Variants in MKRN2 observed in about 807,000 individuals in gnomAD.
MKRN2 encodes makorin ring finger protein 2.
MKRN2 carries 32 observed loss-of-function variants against 45.4 expected under a neutral mutation model. The ratio of observed to expected loss-of-function variants is 0.70; its 90% confidence interval spans 0.53 to 0.95. MKRN2 has a LOEUF of 0.95. Among genes scored for constraint, MKRN2 ranks in the 40% least tolerant of loss-of-function variants. The probability of loss-of-function intolerance (pLI) is 0.00; values close to 1 mark genes in which losing one functional copy is unlikely to be tolerated. For missense variants in MKRN2, 526 were observed against 536.7 expected (o/e 0.98, Z 0.20); for synonymous variants, 206 against 192.4 (o/e 1.07, Z -0.59).
intron 6 of MKRN2, chr3:12,576,944 T>TTTTTTTTTTTTTG (rs2058143515): frequency 3.8e-6 from 1 of 265,600 alleles, no homozygotes; most frequent in Non-Finnish European, 6.9e-6. Flanking sequence ...TTTTTTTTTT[T>TTTTTTTTTTTTTG]TTTTTTTTTT....
At position 12,576,676 on chromosome 3, in the gene MKRN2, T is replaced by G; in HGVS notation, c.903T>G (p.Ser301Arg). Residue 301 changes from serine (S) to arginine (R), a missense_variant, in exon 6 of 8, where the codon AGT becomes AGG. Ser to Arg is a moderately radical substitution (Grantham distance 110). Transcript: ENST00000170447. ...TGATATCAGAGTTTGTAATTCCAAGTGTGTATTGGGTGGAAGATCAGAATA... is the reference window on the plus strand; with the variant it reads ...TGATATCAGAGTTTGTAATTCCAAGGGTGTATTGGGTGGAAGATCAGAATA... The part of the protein sequence containing the change: ...CRVISEFVIP[S>R]VYWVEDQNKK... The G allele has an allele frequency of 6.2e-7, 1 of 1,609,972 alleles. No homozygotes were observed. The highest frequency in any genetic ancestry group is 8.5e-7 in the Non-Finnish European group (1 of 1,176,582).
intron 4 of MKRN2, 137 bp downstream of exon 4, chr3:12,572,510 T>A: frequency 5.5e-6 from 4 of 730,436 alleles, no homozygotes; most frequent in Non-Finnish European, 8.1e-6. Flanking sequence ...TCCACAGGCA[T>A]CCCCCTGCCA....
At chr3:12,560,183 T>A (rs2058024680) in intron 1 of MKRN2, among the ~76,000 whole-genome samples, 1 of 152,202 alleles carries the variant, frequency 6.6e-6, no homozygotes, top group Non-Finnish European at 1.5e-5. Context: ...CAGTTAAATG[T>A]CCCAGTAGTC....
Position 12,570,230 on chromosome 3 carries a change from A to G in MKRN2, c.315A>G (p.Arg105=). The change falls in exon 3 of 8, where the codon AGA becomes AGG. Residue 105 remains arginine (R), a synonymous_variant. Transcript: ENST00000170447. ...NSHEPGKREK[R]TLVLRDRNLS... The stretch of plus-strand genomic sequence containing the variant: ...ATGAACCCGGAAAGCGTGAAAAGAG[A>G]ACATTGGTTCTTAGAGACCGAAGTG... 6.2e-7 allele frequency: 1 copy of G among 1,614,074 alleles called. No individual in the cohort carries two copies. Among genetic ancestry groups the G allele is most frequent in the Non-Finnish European group, 8.5e-7 (1 of 1,179,986 alleles).
rs2125310636 is a variant in MKRN2 at position 12,583,003 on chromosome 3, C to G, written c.*750C>G. 6.6e-6 allele frequency: 1 copy of G among 152,374 alleles called. No individual in the cohort carries two copies. Among genetic ancestry groups the G allele is most frequent in the African/African-American group, 2.4e-5 (1 of 41,574 alleles). 9.4% of individuals were successfully genotyped at this position (152,374 alleles called of 1,614,324 possible). A position where few individuals can be genotyped will look rare whatever the true frequency, so the allele number is the denominator to read the frequency against. On this transcript the variant is annotated 3_prime_UTR_variant, in exon 8 of 8. Coordinates refer to ENST00000170447, the MANE Select transcript of MKRN2 (RefSeq NM_014160.5). ...GGTGTTGGGGCCTCCAGCCAGGGCC[C>G]TCTAGGGGAACCAAGCCTCTGCTCT... is the stretch of plus-strand genomic sequence containing the variant.
chr3:12,557,504 C>T (rs2057988647), intron 1 of MKRN2, among the ~76,000 whole-genome samples: 1 of 152,226 alleles, frequency 6.6e-6, no homozygotes, highest in African/African-American at 2.4e-5. Context: ...GGGGCTTACG[C>T]TTTAACTGGA....
At chr3:12,558,860 C>T (rs1008664860) in intron 1 of MKRN2, among the ~76,000 whole-genome samples, 16 of 152,088 alleles carry the variant, frequency 1.1e-4, no homozygotes, top group African/African-American at 3.1e-4. Context: ...CAATGTGCTG[C>T]GGCTCTTAGG....
At chr3:12,575,086 C>T (rs1465413980) in intron 5 of MKRN2, 80 bp downstream of exon 5, 3 of 1,309,754 alleles carry the variant, frequency 2.3e-6, no homozygotes, top group Non-Finnish European at 3.2e-6. Context: ...CTTTTAAGCC[C>T]TCCGTTACCC....
chr3:12,580,233 T>C (rs1409024134), intron 6 of MKRN2, among the ~76,000 whole-genome samples: 3 of 152,226 alleles, frequency 2.0e-5, no homozygotes. Context: ...ATAATGTGTT[T>C]GACCTGATCG....
chr3:12,558,684 G>C (rs2058006691), intron 1 of MKRN2, among the ~76,000 whole-genome samples: 2 of 152,146 alleles, frequency 1.3e-5, no homozygotes, highest in Non-Finnish European at 2.9e-5. Context: ...GATCATCTTG[G>C]TTTTTTCCTT....
At position 12,581,949 on chromosome 3, in the gene MKRN2, GAGGGTA is replaced by G; in HGVS notation, c.1113+1_1113+6del. ...AACAGCTCAGTTCTCAAGGCACTGT[GAGGGTA>G]AGGACTTTAGCCATCTCTAGTTGGG... On this transcript the variant is annotated splice_donor_variant and splice_donor_region_variant and coding_sequence_variant and intron_variant, in exon 7 of 8. Coordinates refer to ENST00000170447, the MANE Select transcript of MKRN2 (RefSeq NM_014160.5). LOFTEE classifies it high-confidence loss of function. 1 of 1,614,078 alleles carries G rather than the reference GAGGGTA, an allele frequency of 6.2e-7. No individual in the cohort carries two copies. The highest frequency in any genetic ancestry group is 8.5e-7 in the Non-Finnish European group (1 of 1,180,014).
chr3:12,576,879 C>G (rs139846989), intron 6 of MKRN2, 138 bp downstream of exon 6: 3 of 430,292 alleles, frequency 7.0e-6, no homozygotes, highest in African/African-American at 2.3e-5. Flanking sequence ...ATGCTGGGCT[C>G]TGGGATGCAG....
chr3:12,578,263 C>T (rs1430011163), intron 6 of MKRN2, among the ~76,000 whole-genome samples: 2 of 151,452 alleles, frequency 1.3e-5, no homozygotes, highest in South Asian at 2.1e-4. Context: ...GGAGTTTTAG[C>T]CACCCCATGT....
At position 12,570,083 on chromosome 3, in the gene MKRN2, G is replaced by C; in HGVS notation, c.168G>C (p.Thr56=). ...GTGTTTTGTTTAGATATGACCACACGAGGCCCTCTGCTGCAGCTGGAGGTG... is the reference window on the plus strand; with the variant it reads ...GTGTTTTGTTTAGATATGACCACACCAGGCCCTCTGCTGCAGCTGGAGGTG... ...AYGTRCRYDH[T]RPSAAAGGAV... Residue 56 remains threonine (T), a synonymous_variant, in exon 3 of 8, where the codon ACG becomes ACC. Transcript: ENST00000170447. The C allele has an allele frequency of 6.2e-7, 1 of 1,611,044 alleles. No individual in the cohort carries two copies. The highest frequency in any genetic ancestry group is 8.5e-7 in the Non-Finnish European group (1 of 1,179,078).
chr3:12,576,943 T>TTG, intron 6 of MKRN2: 2 of 263,942 alleles, frequency 7.6e-6, no homozygotes, highest in Non-Finnish European at 1.4e-5. Context: ...GTTTTTTTTT[T>TTG]TTTTTTTTTT....
intron 1 of MKRN2, among the ~76,000 whole-genome samples, chr3:12,563,956 TA>T (rs2058055339): frequency 6.6e-6 from 1 of 151,666 alleles, no homozygotes; most frequent in Non-Finnish European, 1.5e-5. Flanking sequence ...TGAAGTCTTC[TA>T]TTTTTTTTGA....
intron 1 of MKRN2, among the ~76,000 whole-genome samples, chr3:12,562,759 C>T (rs897848945): frequency 3.3e-5 from 5 of 152,050 alleles, no homozygotes; most frequent in African/African-American, 1.2e-4. Context: ...GTCAGCTGTG[C>T]ATGTGAGGGA....
intron 4 of MKRN2, among the ~76,000 whole-genome samples, chr3:12,573,428 C>T (rs2058111973): frequency 6.7e-6 from 1 of 150,070 alleles, no homozygotes; most frequent in South Asian, 2.1e-4. Flanking sequence ...AGCTACTCGG[C>T]AGGACTGAGG....
At position 12,567,040 on chromosome 3, in the gene MKRN2, G is replaced by T. The variant is rs559717110; in HGVS notation, c.27-1835G>T. Among the ~76,000 whole-genome samples the T allele has an allele frequency of 2.0e-5, 3 of 152,070 alleles. No individual in the cohort carries two copies. In the South Asian group the frequency reaches 6.2e-4, roughly 32 times the overall value. ...TGATTCCATCATCTCTGTAATTCCT[G>T]TTCTTTATTTTTCTCCTGGTTATAG... On this transcript the variant is annotated intron_variant, in intron 1 of 7. Coordinates refer to ENST00000170447, the MANE Select transcript of MKRN2 (RefSeq NM_014160.5).
Sources: gnomAD v4.1 joint callset for allele counts (sites outside exome capture counted in the v4.1 genomes callset) on GRCh38, gnomAD v4.1.1 for gene constraint, MANE v1.5 for transcripts, NCBI Gene and HGNC (gene_info 2026-07-23, HGNC 2026-07-21) for gene names.